Variants in SIPA1L1 observed in about 807,000 individuals in gnomAD.
SIPA1L1 encodes signal-induced proliferation-associated 1-like protein 1.
Under a neutral mutation model 162.7 loss-of-function variants are expected in SIPA1L1, and 26 were observed. That is an observed-to-expected ratio of 0.16 (90% CI 0.12 to 0.22). The LOEUF (loss-of-function observed/expected upper bound fraction) is 0.22, where lower values mean the gene tolerates loss of function less well. Ranked by LOEUF, SIPA1L1 falls within the 10% of genes least tolerant of loss-of-function variation. The pLI, the probability that SIPA1L1 is intolerant of heterozygous loss-of-function variation, is 1.00. For synonymous variants in SIPA1L1, 829 were observed against 837.4 expected, an observed-to-expected ratio of 0.99 and a Z score of 0.17; for missense variants, 1,874 against 2,241.0, an observed-to-expected ratio of 0.84 and a Z score of 3.31.
At chr14:71,492,734 T>TC (rs1052933900) in intron 2 of SIPA1L1, among the ~76,000 whole-genome samples, 1 of 151,580 alleles carries the variant, frequency 6.6e-6, no homozygotes, top group African/African-American at 2.4e-5. Context: ...AAGCGATCCA[T>TC]CTCAGCTTCC....
At chr14:71,527,648 A>T (rs1410319539) in intron 3 of SIPA1L1, among the ~76,000 whole-genome samples, 1 of 152,182 alleles carries the variant, frequency 6.6e-6, no homozygotes, top group African/African-American at 2.4e-5. Flanking sequence ...AAAGCTTATT[A>T]ACTATAATGA....
intron 13 of SIPA1L1, among the ~76,000 whole-genome samples, chr14:71,693,403 G>T (rs1480699442): frequency 6.6e-6 from 1 of 152,080 alleles, no homozygotes; most frequent in Non-Finnish European, 1.5e-5. Context: ...GGAGGGTGAG[G>T]CAGAAGAATC....
intron 3 of SIPA1L1, among the ~76,000 whole-genome samples, chr14:71,516,061 C>T (rs763666373): frequency 1.3e-5 from 2 of 152,150 alleles, no homozygotes; most frequent in Non-Finnish European, 2.9e-5. Context: ...GTATAAAGAA[C>T]CCTTTGCTTT....
intron 2 of SIPA1L1, among the ~76,000 whole-genome samples, chr14:71,344,399 A>G (rs1187342056): frequency 6.6e-6 from 1 of 152,212 alleles, no homozygotes; most frequent in Non-Finnish European, 1.5e-5. Context: ...CCCACAGTTT[A>G]GATTTAGGAT....
At chr14:71,690,388 G>A (rs780045013) in intron 13 of SIPA1L1, among the ~76,000 whole-genome samples, 3 of 151,878 alleles carry the variant, frequency 2.0e-5, no homozygotes, top group Non-Finnish European at 2.9e-5. Flanking sequence ...GCAGGTGCAC[G>A]CCACACCACA....
intron 2 of SIPA1L1, among the ~76,000 whole-genome samples, chr14:71,468,821 C>G (rs527443833): frequency 1.3e-5 from 2 of 152,286 alleles, no homozygotes; most frequent in African/African-American, 4.8e-5. Flanking sequence ...AAAAACCCAT[C>G]ATGAAAAGTC....
At chr14:71,344,809 G>A (rs7147434) in intron 2 of SIPA1L1, among the ~76,000 whole-genome samples, 4 of 152,012 alleles carry the variant, frequency 2.6e-5, no homozygotes, top group Non-Finnish European at 4.4e-5. Flanking sequence ...CAAGTGATCC[G>A]CCAGCTTCAG....
intron 13 of SIPA1L1, among the ~76,000 whole-genome samples, chr14:71,697,061 A>G (rs568377248): frequency 1.3e-5 from 2 of 152,292 alleles, no homozygotes; most frequent in Admixed American, 6.5e-5. Context: ...AAGGCCTTAA[A>G]GAGGGTCTCA....
At chr14:71,468,005 G>GGT (rs56265408) in intron 2 of SIPA1L1, among the ~76,000 whole-genome samples, 34,767 of 141,450 alleles carry the variant, frequency 0.25, 4,152 homozygotes, top group Admixed American at 0.33. Flanking sequence ...CAGTTAGAGG[G>GGT]GTGTGTGTGT....
intron 5 of SIPA1L1, among the ~76,000 whole-genome samples, chr14:71,605,662 G>T (rs1022548169): frequency 6.6e-6 from 1 of 152,182 alleles, no homozygotes; most frequent in Non-Finnish European, 1.5e-5. Flanking sequence ...TTGTGTCTGT[G>T]ATTTCCTCAA....
At chr14:71,637,272 T>A (rs2041255416) in intron 7 of SIPA1L1, among the ~76,000 whole-genome samples, 1 of 152,088 alleles carries the variant, frequency 6.6e-6, no homozygotes, top group South Asian at 2.1e-4. Flanking sequence ...TGGTTTCGCT[T>A]TCTGCAGTCA....
intron 2 of SIPA1L1, among the ~76,000 whole-genome samples, chr14:71,379,086 G>T (rs906693962): frequency 6.6e-6 from 1 of 151,958 alleles, no homozygotes; most frequent in African/African-American, 2.4e-5. Flanking sequence ...GCTTCCTCCT[G>T]GTGACTTCCT....
chr14:71,670,051 T>C (rs1359396084), intron 10 of SIPA1L1, among the ~76,000 whole-genome samples: 2 of 152,174 alleles, frequency 1.3e-5, no homozygotes, highest in Admixed American at 6.5e-5. Flanking sequence ...GAAACCGATT[T>C]TTTTATTGTT....
At chr14:71,431,209 T>G (rs2043962327) in intron 2 of SIPA1L1, among the ~76,000 whole-genome samples, 1 of 152,204 alleles carries the variant, frequency 6.6e-6, no homozygotes, top group South Asian at 2.1e-4. Context: ...TTATGTTAAA[T>G]AAGTTAGAAG....
intron 2 of SIPA1L1, among the ~76,000 whole-genome samples, chr14:71,365,125 C>A (rs576208131): frequency 1.3e-5 from 2 of 152,178 alleles, no homozygotes; most frequent in African/African-American, 4.8e-5. Context: ...CTTTTGGGCT[C>A]AAGCCATCCT....
intron 4 of SIPA1L1, among the ~76,000 whole-genome samples, chr14:71,566,692 T>C (rs2030674437): frequency 6.6e-6 from 1 of 152,346 alleles, no homozygotes; most frequent in South Asian, 2.1e-4. Flanking sequence ...AAATTCTAGA[T>C]GAATTAAAGC....
chr14:71,654,390 T>G (rs1388589467), intron 8 of SIPA1L1, among the ~76,000 whole-genome samples: 1 of 152,202 alleles, frequency 6.6e-6, no homozygotes, highest in East Asian at 1.9e-4. Context: ...ATTTGAAAGC[T>G]GGAGACCATC....
intron 5 of SIPA1L1, chr14:71,598,291 A>T (rs1041526635): frequency 6.8e-5 from 61 of 894,042 alleles, no homozygotes; most frequent in Admixed American, 1.2e-4. Flanking sequence ...TGACTGTTTC[A>T]GGAGAAATGG....
rs749361337 is a variant in SIPA1L1, at chr14:71,671,142, A to G, written c.2279A>G (p.Asp760Gly). Residue 760 changes from aspartate (D) to glycine (G), a missense_variant, in exon 11 of 24, where the codon GAT becomes GGT. Coordinates refer to ENST00000381232, the MANE Select transcript of SIPA1L1 (RefSeq NM_001386936.1). ...CYSVAVTRSR[D>G]VPSFGPPIPK... is the part of the protein sequence containing the mutation. ...AGTGTGGCTGTTACCAGGTCCAGAG[A>G]TGTGCCTTCCTTTGGGCCTCCCATT... The G allele has an allele frequency of 6.2e-7, 1 of 1,610,900 alleles. No homozygotes were observed. The highest frequency in any genetic ancestry group is 1.7e-4 in the Middle Eastern group (1 of 6,050).
Sources: allele counts gnomAD v4.1 joint callset (sites outside exome capture counted in the v4.1 genomes callset), GRCh38; gene constraint gnomAD v4.1.1; transcripts MANE v1.5; gene names NCBI Gene and HGNC (gene_info 2026-07-23, HGNC 2026-07-21).